KALRN: variants seen among roughly 807,000 people sequenced by gnomAD.
The protein encoded by KALRN is kalirin RhoGEF kinase.
Under a neutral mutation model 353.7 loss-of-function variants are expected in KALRN, and 70 were observed. The observed-to-expected ratio is 0.20, with a 90% CI of 0.16 to 0.24. The LOEUF (loss-of-function observed/expected upper bound fraction) is 0.24, where lower values mean the gene tolerates loss of function less well. KALRN is among the 10% of genes least tolerant of loss of function. KALRN has a pLI of 1.00. For missense variants in KALRN, 2,791 were observed against 3,756.7 expected (o/e 0.74, Z 6.72); for synonymous variants, 1,391 against 1,434.8 (o/e 0.97, Z 0.69).
intron 33 of KALRN, among the ~76,000 whole-genome samples, chr3:124,557,123 T>A (rs1385924732): frequency 2.0e-5 from 3 of 152,216 alleles, no homozygotes; most frequent in Non-Finnish European, 4.4e-5. Flanking sequence ...TGCAGTTTTG[T>A]CACCTAGGTA....
chr3:124,103,591 G>A (rs1413219076), intron 1 of KALRN, among the ~76,000 whole-genome samples: 2 of 152,148 alleles, frequency 1.3e-5, no homozygotes, highest in East Asian at 3.9e-4. Flanking sequence ...GGTAGAGCAG[G>A]GAGTGATTAG....
rs148597541 is a variant in KALRN, at chr3:124,045,593, G to T, written c.73+11780G>T. Among the ~76,000 whole-genome samples, 79 of 152,232 alleles carry T rather than the reference G, an allele frequency of 5.2e-4. 1 individual carries two copies. In the East Asian group the frequency reaches 0.014, roughly 26 times the overall value. On this transcript the variant is annotated intron_variant, in intron 1 of 59. Transcript: ENST00000682506. The stretch of plus-strand genomic sequence containing the variant: ...TTGGAGAAAGAACTAATCAATTTTA[G>T]CATAGTACTGATTTCAGTGAGCAGA...
intron 1 of KALRN, among the ~76,000 whole-genome samples, chr3:124,063,958 TTAAG>T (rs2042158725): frequency 1.3e-5 from 2 of 152,148 alleles, no homozygotes; most frequent in African/African-American, 4.8e-5. Flanking sequence ...GAATTTTGTT[TTAAG>T]TAAACAAATA....
At chr3:124,116,743 A>G (rs1480844075) in intron 1 of KALRN, among the ~76,000 whole-genome samples, 4 of 152,254 alleles carry the variant, frequency 2.6e-5, no homozygotes, top group African/African-American at 4.8e-5. Flanking sequence ...TAAGAGATTA[A>G]CAGCAATAAC....
At chr3:124,457,258 C>T (rs183107456) in intron 23 of KALRN, among the ~76,000 whole-genome samples, 3 of 152,104 alleles carry the variant, frequency 2.0e-5, no homozygotes, top group Non-Finnish European at 2.9e-5. Context: ...TTAATAGAAA[C>T]GGGGTTTCAC....
chr3:124,210,914 T>C (rs778417926), intron 1 of KALRN, among the ~76,000 whole-genome samples: 5 of 152,260 alleles, frequency 3.3e-5, no homozygotes, highest in African/African-American at 4.8e-5. Flanking sequence ...GGGAATAATT[T>C]TTTTTCCTGT....
intron 2 of KALRN, 56 bp downstream of exon 2, chr3:124,228,120 A>C: frequency 1.5e-6 from 2 of 1,351,462 alleles, no homozygotes; most frequent in African/African-American, 1.4e-5. Context: ...GTGTGTGTGC[A>C]CATGTGTTCA....
chr3:124,325,241 C>T (rs1448882290), intron 6 of KALRN, among the ~76,000 whole-genome samples: 1 of 152,134 alleles, frequency 6.6e-6, no homozygotes, highest in African/African-American at 2.4e-5. Context: ...GAGAGCCCCT[C>T]CTTGATGCCT....
At chr3:124,494,954 A>G (rs905909584) in intron 32 of KALRN, among the ~76,000 whole-genome samples, 1 of 152,016 alleles carries the variant, frequency 6.6e-6, no homozygotes, top group Non-Finnish European at 1.5e-5. Context: ...AATTCACCCA[A>G]CTCCAACTCC....
intron 10 of KALRN, among the ~76,000 whole-genome samples, chr3:124,353,988 A>G (rs1198358680): frequency 6.6e-6 from 1 of 152,176 alleles, no homozygotes; most frequent in Non-Finnish European, 1.5e-5. Context: ...CACACTGAGG[A>G]TGAAAAAAGA....
chr3:124,181,715 G>A (rs1410108648), intron 1 of KALRN, among the ~76,000 whole-genome samples: 1 of 152,198 alleles, frequency 6.6e-6, no homozygotes, highest in East Asian at 1.9e-4. Context: ...GGAATTGGGA[G>A]GAAAGAAGGA....
At chr3:124,461,414 CCTGGTTTATTATGATA>C (rs2059847376) in intron 23 of KALRN, among the ~76,000 whole-genome samples, 1 of 151,886 alleles carries the variant, frequency 6.6e-6, no homozygotes, top group Admixed American at 6.6e-5. Context: ...GGCTTTGAAA[CCTGGTTTATTATGATA>C]CTAAGAACTG....
At chr3:124,325,445 G>T (rs1409110897) in intron 6 of KALRN, among the ~76,000 whole-genome samples, 1 of 152,198 alleles carries the variant, frequency 6.6e-6, no homozygotes, top group Non-Finnish European at 1.5e-5. Context: ...GTAGGAGGAA[G>T]GTGGGGACAT....
At chr3:124,351,336 C>T (rs1023335454) in intron 10 of KALRN, among the ~76,000 whole-genome samples, 2 of 152,040 alleles carry the variant, frequency 1.3e-5, no homozygotes, top group Non-Finnish European at 2.9e-5. Flanking sequence ...GGGGTAGGAG[C>T]CTGGGGTAAC....
rs531880957 is a variant in KALRN, at chr3:124,635,571, G to C, written c.5568+1618G>C. ...GTTTTTTATAAATGTTTGGGAGTGG[G>C]ATGAACTTCAGAGCATCTAGCAAAT... On this transcript the variant is annotated intron_variant, in intron 36 of 59. Transcript: ENST00000682506. Among the ~76,000 whole-genome samples, 8 of 152,188 alleles carry C rather than the reference G, an allele frequency of 5.3e-5. No individual in the cohort carries two copies. In the South Asian group the frequency reaches 1.7e-3, roughly 32 times the overall value.
At position 124,657,946 on chromosome 3, in the gene KALRN, G is replaced by T. The variant is rs1285434080; in HGVS notation, c.6036+143G>T. 9 of 652,482 alleles carry T rather than the reference G, an allele frequency of 1.4e-5. No homozygotes were observed. In the African/African-American group the frequency reaches 1.6e-4, roughly 12 times the overall value. 40.4% of individuals were successfully genotyped at this position (652,482 alleles called of 1,614,324 possible). A position where few individuals can be genotyped will look rare whatever the true frequency, so the allele number is the denominator to read the frequency against. On this transcript the variant is annotated intron_variant, in intron 41 of 59. Coordinates refer to ENST00000682506, the MANE Select transcript of KALRN (RefSeq NM_001388419.1). ...AGGTGGGAGGGTGGCTTGACCCCAG[G>T]AATTGAGACCAGCCTGGGCAACATA... is the stretch of plus-strand genomic sequence containing the variant.
At chr3:124,502,555 G>C (rs1418420137) in intron 33 of KALRN, among the ~76,000 whole-genome samples, 1 of 152,222 alleles carries the variant, frequency 6.6e-6, no homozygotes, top group Non-Finnish European at 1.5e-5. Context: ...TCCCCAACTA[G>C]GTACCAGCTG....
chr3:124,380,606 T>G (rs548287843), intron 10 of KALRN, among the ~76,000 whole-genome samples: 12 of 152,212 alleles, frequency 7.9e-5, no homozygotes, highest in Non-Finnish European at 1.6e-4. Context: ...ACTAGGAGAC[T>G]GGGAAACCAA....
chr3:124,603,566 C>T (rs898376694), intron 34 of KALRN, among the ~76,000 whole-genome samples: 3 of 152,096 alleles, frequency 2.0e-5, no homozygotes, highest in Non-Finnish European at 4.4e-5. Flanking sequence ...ATGCAGGTGT[C>T]GACTTCCCCA....
Sources: gnomAD v4.1 joint callset for allele counts (sites outside exome capture counted in the v4.1 genomes callset) on GRCh38, gnomAD v4.1.1 for gene constraint, MANE v1.5 for transcripts, NCBI Gene and HGNC (gene_info 2026-07-23, HGNC 2026-07-21) for gene names.